GAK: variants seen among roughly 807,000 people sequenced by gnomAD.
The protein encoded by GAK is cyclin G associated kinase.
A neutral mutation model predicts 143.9 loss-of-function variants in GAK; 79 were observed. The observed-to-expected ratio is 0.55, with a 90% CI of 0.46 to 0.66. The LOEUF is 0.66. Among genes scored for constraint, GAK ranks in the 30% least tolerant of loss-of-function variants. The probability of loss-of-function intolerance (pLI) is 0.00; values close to 1 mark genes in which losing one functional copy is unlikely to be tolerated. For synonymous variants in GAK, 881 were observed against 765.5 expected (o/e 1.15, Z -2.49); for missense variants, 1,693 against 1,779.7 (o/e 0.95, Z 0.88).
At position 871,687 on chromosome 4, in the gene GAK, C is replaced by T. The variant is rs545406984; in HGVS notation, c.2055-783G>A. The stretch of plus-strand genomic sequence containing the variant: ...GTCAGCAGGGCCCACCTTGGGGTGT[C>T]GGCCATGTGGGTGGGGAGCAGGGGC... On this transcript the variant is annotated intron_variant, in intron 18 of 27. Transcript: ENST00000314167. Among the ~76,000 whole-genome samples, 6 of 148,704 alleles carry T rather than the reference C, an allele frequency of 4.0e-5. No homozygotes were observed. The East Asian group carries it at 6.0e-4, about 15-fold the overall frequency.
chr4:881,839 A>G (rs1172947319), intron 15 of GAK, 68 bp downstream of exon 15: 1 of 1,495,942 alleles, frequency 6.7e-7, no homozygotes, highest in East Asian at 2.5e-5. Context: ...AGGAGACACC[A>G]CAGCGGGGGC....
chr4:856,400 A>C (rs1749212048), intron 24 of GAK, among the ~76,000 whole-genome samples: 1 of 57,626 alleles, frequency 1.7e-5, no homozygotes, highest in African/African-American at 6.3e-5. Context: ...CCTGCTCACC[A>C]CCACAGCTGC....
chr4:849,844 C>T (rs749035969), intron 27 of GAK, 48 bp downstream of exon 27: 10 of 1,291,726 alleles, frequency 7.7e-6, no homozygotes, highest in South Asian at 3.9e-5. Flanking sequence ...ACCCCCCCCC[C>T]GCCCCGCCCC....
At chr4:912,507 A>C in intron 3 of GAK, 1 of 487,628 alleles carries the variant, frequency 2.1e-6, no homozygotes, top group South Asian at 2.4e-5. Flanking sequence ...CTTCATTCCC[A>C]ACACTTCTGA....
In GAK at chr4:888,848, T is replaced by C; in HGVS notation, c.1204A>G (p.Asn402Asp). ...AGGGCTCTGGAGCCTCACACTCACT[T>C]AGCGACGGACTGGATGACCTTGGAG... ...TSSKVIQSVANYAKGDLDISY... is the reference protein window; with the variant it reads ...TSSKVIQSVADYAKGDLDISY... Residue 402 changes from asparagine to aspartate, a missense_variant and splice_region_variant, in exon 11 of 28, where the codon AAT becomes GAT. By Grantham distance (23) the Asn-to-Asp change is conservative. This residue lies in a region of GAK where 871 missense variants were observed against 991.0 expected (regional missense o/e 0.88). Transcript: ENST00000314167. 2 of 1,602,792 alleles carry C rather than the reference T, an allele frequency of 1.2e-6. No individual in the cohort carries two copies. Among genetic ancestry groups the C allele is most frequent in the Non-Finnish European group, 1.7e-6 (2 of 1,175,856 alleles).
intron 1 of GAK, 33 bp from the exon 2 acceptor site, chr4:913,701 T>G (rs1365087578): frequency 6.5e-7 from 1 of 1,542,394 alleles, no homozygotes; most frequent in South Asian, 1.1e-5. Flanking sequence ...AGTTCAATGC[T>G]ATGATTTTAT....
Position 882,798 on chromosome 4 carries a change from C to T in GAK, c.1426G>A (p.Ala476Thr). ...HNRVSECGWA[A>T]RRAPHLHTLY... ...GTGTGCAGGTGTGGGGCCCGCCGTG[C>T]TGCCCAGCCACACTCGGAGACCTGT... Residue 476 changes from alanine to threonine, a missense_variant, in exon 14 of 28, where the codon GCA becomes ACA. Physicochemically the swap from Ala to Thr is moderately conservative, Grantham distance 58. Transcript: ENST00000314167. The T allele has an allele frequency of 6.2e-7, 1 of 1,610,002 alleles. No homozygotes were observed.
At position 893,952 on chromosome 4, in the gene GAK, C is replaced by A. The variant is rs1305442407; in HGVS notation, c.799G>T (p.Ala267Ser). ...TTCCCATTGACTATTCGAAGTTTCG[C>A]TCCATCCTCAAAAGGGTGCTGCCGG... Reference protein sequence around the residue: ...CFRQHPFEDGAKLRIVNGKYS... With the variant: ...CFRQHPFEDGSKLRIVNGKYS... The change falls in exon 8 of 28, where the codon GCG becomes TCG. Residue 267 changes from alanine (A) to serine (S), a missense_variant. This residue lies in a region of GAK where 871 missense variants were observed against 991.0 expected (regional missense o/e 0.88). Coordinates refer to ENST00000314167, the MANE Select transcript of GAK (RefSeq NM_005255.4). The A allele has an allele frequency of 6.2e-7, 1 of 1,613,026 alleles. No homozygotes were observed. The highest frequency in any genetic ancestry group is 8.5e-7 in the Non-Finnish European group (1 of 1,179,776).
chr4:866,872 G>GA, intron 21 of GAK, 84 bp downstream of exon 21: 1 of 1,091,452 alleles, frequency 9.2e-7, no homozygotes, highest in Non-Finnish European at 1.3e-6. Flanking sequence ...AAGCACCTTC[G>GA]AAACACGCCC....
chr4:905,582 G>T (rs1383663884), intron 4 of GAK, among the ~76,000 whole-genome samples: 1 of 143,870 alleles, frequency 7.0e-6, no homozygotes, highest in African/African-American at 2.6e-5. Context: ...ACTTCGCCAC[G>T]CCCCAGGCCA....
rs986663960 is a variant in GAK at position 852,089 on chromosome 4, C to A, written c.3284-115G>T. 4.3e-6 allele frequency: 4 copies of A among 922,948 alleles called. No individual in the cohort carries two copies. In the African/African-American group the frequency reaches 6.5e-5, roughly 15 times the overall value. The allele number at this position is 922,948 out of a possible 1,614,324, so 57.2% of individuals were successfully genotyped here. A position where few individuals can be genotyped will look rare whatever the true frequency, so the allele number is the denominator to read the frequency against. On this transcript the variant is annotated intron_variant, in intron 24 of 27. Coordinates refer to ENST00000314167, the MANE Select transcript of GAK (RefSeq NM_005255.4). ...AAACATGCGCTTGCAAAATAGAACA[C>A]CGATCACTCGAGGCCGTCCAGAGGT... is the stretch of plus-strand genomic sequence containing the variant.
chr4:885,013 C>CT (rs2152823795), intron 11 of GAK, among the ~76,000 whole-genome samples: 1 of 151,788 alleles, frequency 6.6e-6, no homozygotes, highest in South Asian at 2.1e-4. Context: ...ACATAGGATG[C>CT]GGGTCTTCCG....
intron 23 of GAK, among the ~76,000 whole-genome samples, chr4:864,353 C>A (rs1203128738): frequency 6.6e-6 from 1 of 152,054 alleles, no homozygotes; most frequent in African/African-American, 2.4e-5. Flanking sequence ...AGAGCAAGAC[C>A]CTGTCTCAAA....
At chr4:914,483 C>G (rs1722689384) in intron 1 of GAK, among the ~76,000 whole-genome samples, 1 of 103,002 alleles carries the variant, frequency 9.7e-6, no homozygotes, top group Non-Finnish European at 1.9e-5. Context: ...CCCACACACA[C>G]ACAGCCCCAG....
intron 11 of GAK, 52 bp from the exon 12 acceptor site, chr4:884,138 A>G (rs1715758360): frequency 6.5e-7 from 1 of 1,529,634 alleles, no homozygotes; most frequent in African/African-American, 1.4e-5. Flanking sequence ...CTCCGCAGTT[A>G]GGTCACAGGG....
chr4:889,882 GC>G (rs959414908), intron 10 of GAK, among the ~76,000 whole-genome samples: 11 of 152,184 alleles, frequency 7.2e-5, no homozygotes, highest in Non-Finnish European at 1.3e-4. Context: ...CCAGCTGAGG[GC>G]CCTCCAGGGA....
intron 11 of GAK, chr4:888,146 C>A (rs1716901238): frequency 6.6e-6 from 1 of 152,282 alleles, no homozygotes; most frequent in South Asian, 2.1e-4. Context: ...CCAGGGGCCG[C>A]AGTTCCTGCA....
At chr4:858,969 G>A (rs377729761) in intron 24 of GAK, among the ~76,000 whole-genome samples, 23 of 152,168 alleles carry the variant, frequency 1.5e-4, no homozygotes, top group Non-Finnish European at 2.8e-4. Flanking sequence ...TCCACCCGAC[G>A]GCCAGGCAAG....
intron 18 of GAK, among the ~76,000 whole-genome samples, chr4:874,588 C>T (rs923807222): frequency 5.3e-5 from 8 of 152,056 alleles, no homozygotes; most frequent in Middle Eastern, 3.2e-3. Flanking sequence ...GTCCTGTCCT[C>T]GGGCTGGAGA....
Sources: allele counts gnomAD v4.1 joint callset (sites outside exome capture counted in the v4.1 genomes callset), GRCh38; gene constraint gnomAD v4.1.1; regional missense constraint gnomAD v4.1.1; transcripts MANE v1.5; gene names NCBI Gene and HGNC (gene_info 2026-07-23, HGNC 2026-07-21).